Variants in ALK observed in about 807,000 individuals in gnomAD.
ALK encodes ALK tyrosine kinase receptor.
ALK carries 74 observed loss-of-function variants against 163.1 expected under a neutral mutation model. The ratio of observed to expected loss-of-function variants is 0.45; its 90% CI spans 0.38 to 0.55. ALK has a LOEUF of 0.55. Ranked by LOEUF, ALK falls within the 20% of genes least tolerant of loss-of-function variation. The pLI is 0.00. For synonymous variants in ALK, 960 were observed against 843.2 expected (o/e 1.14, Z -2.40); for missense variants, 2,063 against 2,105.3 (o/e 0.98, Z 0.39).
chr2:29,780,831 C>G (rs1681312729), intron 1 of ALK, among the ~76,000 whole-genome samples: 1 of 152,202 alleles, frequency 6.6e-6, no homozygotes. Flanking sequence ...TATATGGAAA[C>G]CTAAGCTCTA....
intron 9 of ALK, among the ~76,000 whole-genome samples, chr2:29,288,622 T>G (rs1296065744): frequency 6.6e-6 from 1 of 152,102 alleles, no homozygotes; most frequent in Non-Finnish European, 1.5e-5. Context: ...CATGAAAGCA[T>G]GGTGTTTGGA....
chr2:29,717,427 C>G (rs1447834899), intron 2 of ALK, 151 bp downstream of exon 2: 3 of 923,576 alleles, frequency 3.2e-6, no homozygotes, highest in Non-Finnish European at 5.1e-6. Context: ...TTGAGCGTCA[C>G]TGGGAGACAG....
intron 2 of ALK, among the ~76,000 whole-genome samples, chr2:29,701,816 G>C (rs1026568565): frequency 1.3e-5 from 2 of 152,152 alleles, no homozygotes; most frequent in African/African-American, 2.4e-5. Flanking sequence ...ACAGATGAAG[G>C]CATTGGAGCT....
chr2:29,507,493 T>C (rs550454828), intron 4 of ALK, among the ~76,000 whole-genome samples: 408 of 152,300 alleles, frequency 2.7e-3, no homozygotes, highest in African/African-American at 8.8e-3. Flanking sequence ...TTTAACACTA[T>C]TGAACTGTAC....
chr2:29,636,407 A>G (rs1676534104), intron 3 of ALK, among the ~76,000 whole-genome samples: 1 of 152,030 alleles, frequency 6.6e-6, no homozygotes. Flanking sequence ...TGGAGAAGAA[A>G]CAAATGACCT....
At chr2:29,340,741 C>A (rs535560920) in intron 5 of ALK, among the ~76,000 whole-genome samples, 36 of 152,186 alleles carry the variant, frequency 2.4e-4, no homozygotes, top group Non-Finnish European at 4.1e-4. Context: ...AACCATCTGA[C>A]ATTTACACAT....
At chr2:29,434,346 G>A in intron 4 of ALK, among the ~76,000 whole-genome samples, 1 of 152,188 alleles carries the variant, frequency 6.6e-6, no homozygotes, top group East Asian at 1.9e-4. Context: ...TCTGAAAGAT[G>A]AGAAAGTAGA....
At chr2:29,479,608 A>G (rs984199398) in intron 4 of ALK, among the ~76,000 whole-genome samples, 1 of 152,334 alleles carries the variant, frequency 6.6e-6, no homozygotes, top group South Asian at 2.1e-4. Flanking sequence ...TTGTAGCAAT[A>G]AAGTGTTTGC....
At chr2:29,502,365 C>A (rs1254516058) in intron 4 of ALK, among the ~76,000 whole-genome samples, 1 of 152,132 alleles carries the variant, frequency 6.6e-6, no homozygotes, top group Non-Finnish European at 1.5e-5. Flanking sequence ...ACCCAATAAG[C>A]ACTTGTAAAA....
chr2:29,707,396 G>T (rs1291233842), intron 2 of ALK, among the ~76,000 whole-genome samples: 2 of 152,122 alleles, frequency 1.3e-5, no homozygotes, highest in Non-Finnish European at 2.9e-5. Context: ...CCAGTTGGGG[G>T]ATGAACTTGC....
intron 1 of ALK, among the ~76,000 whole-genome samples, chr2:29,896,685 T>C (rs777074108): frequency 2.2e-4 from 34 of 152,220 alleles, no homozygotes; most frequent in Non-Finnish European, 2.9e-5. Flanking sequence ...ATGGCAGCTC[T>C]AGCAAGCTAA....
At chr2:29,865,107 G>A (rs1309769942) in intron 1 of ALK, among the ~76,000 whole-genome samples, 1 of 152,198 alleles carries the variant, frequency 6.6e-6, no homozygotes, top group African/African-American at 2.4e-5. Context: ...TATGGTTGGG[G>A]TGTTCTGGTT....
intron 3 of ALK, among the ~76,000 whole-genome samples, chr2:29,616,803 T>A (rs1675861155): frequency 6.6e-6 from 1 of 152,182 alleles, no homozygotes. Flanking sequence ...TTCCAGCAGC[T>A]CATAGAAACT....
intron 3 of ALK, among the ~76,000 whole-genome samples, chr2:29,601,915 T>C (rs1371893874): frequency 6.6e-6 from 1 of 151,314 alleles, no homozygotes. Context: ...TGGACAGAGA[T>C]AGAGAGCCCC....
At chr2:29,655,015 A>G (rs1573531457) in intron 3 of ALK, among the ~76,000 whole-genome samples, 1 of 152,098 alleles carries the variant, frequency 6.6e-6, no homozygotes, top group East Asian at 1.9e-4. Flanking sequence ...TACCAACTGA[A>G]GACATCTTCA....
chr2:29,747,272 G>A (rs184885893), intron 1 of ALK, among the ~76,000 whole-genome samples: 1 of 152,126 alleles, frequency 6.6e-6, no homozygotes, highest in East Asian at 1.9e-4. Context: ...TAGTCTGAAA[G>A]TTTACAAACT....
In ALK at chr2:29,227,670, C is replaced by T. The variant is rs372008367; in HGVS notation, c.2818G>A (p.Gly940Ser). The T allele has an allele frequency of 6.2e-6, 10 of 1,613,490 alleles. No individual in the cohort carries two copies. The highest frequency in any genetic ancestry group is 3.3e-5 in the Admixed American group (2 of 60,018). Residue 940 changes from glycine (G) to serine (S), a missense_variant and splice_region_variant, in exon 17 of 29, where the codon GGC (glycine) becomes AGC (serine). This residue lies in a region of ALK where 575 missense variants were observed against 626.6 expected (regional missense o/e 0.92). Transcript: ENST00000389048. This position sits in a 1 kb window ranked among gnomAD's most constrained non-coding sequence, Gnocchi z 4.4. Reference sequence around the variant, plus strand: ...GGGTCATTGTTTGAGGCTGCATTGCCGCCTGAGTAGCAAACCAGAGCAGAG... The same window carrying T: ...GGGTCATTGTTTGAGGCTGCATTGCTGCCTGAGTAGCAAACCAGAGCAGAG... The part of the protein sequence containing the change: ...SGGGGGGYIG[G>S]NAASNNDPEM...
chr2:29,502,721 G>A (rs1672219664), intron 4 of ALK, among the ~76,000 whole-genome samples: 1 of 152,070 alleles, frequency 6.6e-6, no homozygotes, highest in Non-Finnish European at 1.5e-5. Context: ...AGCATATTGA[G>A]TTTATGCCTC....
intron 8 of ALK, among the ~76,000 whole-genome samples, chr2:29,309,578 T>C (rs1666639192): frequency 6.6e-6 from 1 of 152,312 alleles, no homozygotes; most frequent in Non-Finnish European, 1.5e-5. Flanking sequence ...GGTGATAGAA[T>C]GCTGGGCTCC....
Sources: allele counts gnomAD v4.1 joint callset (sites outside exome capture counted in the v4.1 genomes callset), GRCh38; gene constraint gnomAD v4.1.1; regional missense constraint gnomAD v4.1.1; non-coding constraint Gnocchi (gnomAD v3.1); transcripts MANE v1.5; gene names NCBI Gene and HGNC (gene_info 2026-07-23, HGNC 2026-07-21).